Variants in MYRFL observed in about 807,000 individuals in gnomAD.
MYRFL encodes myelin regulatory factor-like protein.
MYRFL carries 88 observed loss-of-function variants against 109.4 expected under a neutral mutation model. The ratio of observed to expected loss-of-function variants is 0.80; its 90% CI spans 0.68 to 0.96. MYRFL has a LOEUF of 0.96. Ranked by LOEUF, MYRFL falls within the 40% of genes least tolerant of loss-of-function variation. The probability of loss-of-function intolerance (pLI) is 0.00; values close to 1 mark genes in which losing one functional copy is unlikely to be tolerated. For missense variants in MYRFL, 957 were observed against 954.9 expected (o/e 1.00, Z -0.03); for synonymous variants, 324 against 320.9 (o/e 1.01, Z -0.10).
rs1202881091 is a variant in MYRFL at position 69,910,884 on chromosome 12, C to A, written c.1556C>A (p.Thr519Asn). The A allele has an allele frequency of 3.9e-6, 6 of 1,535,242 alleles. No individual in the cohort carries two copies. The Admixed American group carries it at 9.8e-5, about 25-fold the overall frequency. Residue 519 changes from threonine (T) to asparagine (N), a missense_variant, in exon 13 of 25, where the codon ACC (threonine) becomes AAC (asparagine). Coordinates refer to ENST00000552032, the MANE Select transcript of MYRFL (RefSeq NM_182530.3). ...GCAGTAAGAGAGGTTGGTGATGTCA[C>A]CTGCGGAAACGGAGAGACCTTGGAG... ...PRAVREVGDV[T>N]CGNGETLENF...
chr12:69,857,804 G>T (rs1338223062), intron 2 of MYRFL, among the ~76,000 whole-genome samples: 4 of 151,622 alleles, frequency 2.6e-5, no homozygotes, highest in African/African-American at 9.7e-5. Context: ...CATGTCATCT[G>T]CAAATTGAGA....
chr12:69,859,996 A>G (rs1884540756), intron 2 of MYRFL, among the ~76,000 whole-genome samples: 2 of 152,110 alleles, frequency 1.3e-5, no homozygotes, highest in Admixed American at 1.3e-4. Flanking sequence ...CTTGTTACAT[A>G]GATAAACGTG....
intron 19 of MYRFL, among the ~76,000 whole-genome samples, chr12:69,949,653 ATTT>A (rs35862776): frequency 1.4e-5 from 2 of 146,232 alleles, no homozygotes. Flanking sequence ...TTTTTTTGTA[ATTT>A]TTTTTTTTTT....
At chr12:69,851,018 T>C (rs1387990702) in intron 1 of MYRFL, among the ~76,000 whole-genome samples, 1 of 152,206 alleles carries the variant, frequency 6.6e-6, no homozygotes, top group Non-Finnish European at 1.5e-5. Flanking sequence ...GTAAAATTTA[T>C]TACAATGGCT....
chr12:69,903,022 C>A (rs962657331), intron 10 of MYRFL, among the ~76,000 whole-genome samples: 1 of 152,146 alleles, frequency 6.6e-6, no homozygotes, highest in Admixed American at 6.5e-5. Flanking sequence ...AAAATGAGGA[C>A]AATAGTACGT....
chr12:69,906,866 A>G (rs1315180230), intron 11 of MYRFL, among the ~76,000 whole-genome samples: 3 of 152,230 alleles, frequency 2.0e-5, no homozygotes, highest in Non-Finnish European at 4.4e-5. Context: ...CTGTGATGCA[A>G]TTCTTGAGCT....
chr12:69,835,810 G>C (rs1882901782), intron 1 of MYRFL, among the ~76,000 whole-genome samples: 2 of 152,226 alleles, frequency 1.3e-5, no homozygotes, highest in South Asian at 4.1e-4. Context: ...CTCTAGGAGA[G>C]CATACAGACG....
chr12:69,878,419 G>A (rs1472074399), intron 2 of MYRFL, among the ~76,000 whole-genome samples: 4 of 152,038 alleles, frequency 2.6e-5, no homozygotes, highest in African/African-American at 4.8e-5. Flanking sequence ...TTTACATTTC[G>A]TTAGCTCAAA....
chr12:69,839,525 G>A (rs1029994322), intron 1 of MYRFL, among the ~76,000 whole-genome samples: 2 of 152,042 alleles, frequency 1.3e-5, no homozygotes, highest in East Asian at 3.9e-4. Context: ...TCTGCAAAAA[G>A]CAAAGTTGTT....
chr12:69,952,951 A>G, intron 21 of MYRFL, 65 bp downstream of exon 21: 1 of 1,069,846 alleles, frequency 9.3e-7, no homozygotes, highest in Admixed American at 2.3e-5. Context: ...TGGGTTTTTA[A>G]GACTGCAGTG....
chr12:69,952,030 C>T, intron 19 of MYRFL, 83 bp from the exon 20 acceptor site: 1 of 1,152,612 alleles, frequency 8.7e-7, no homozygotes, highest in East Asian at 2.6e-5. Context: ...ACTCAACTCA[C>T]AGAGATGAAC....
chr12:69,884,539 G>A (rs1332084207), intron 5 of MYRFL, among the ~76,000 whole-genome samples: 2 of 152,212 alleles, frequency 1.3e-5, no homozygotes, highest in Non-Finnish European at 2.9e-5. Flanking sequence ...GAGAAGTGGA[G>A]CTGGCTTTTG....
intron 19 of MYRFL, among the ~76,000 whole-genome samples, chr12:69,949,639 A>ATT (rs35789649): frequency 4.8e-5 from 7 of 144,412 alleles, no homozygotes; most frequent in Non-Finnish European, 9.0e-5. Context: ...ACATTATGAG[A>ATT]TTTTTTTTTT....
chr12:69,938,664 A>T (rs578205297), intron 19 of MYRFL, among the ~76,000 whole-genome samples: 2 of 152,198 alleles, frequency 1.3e-5, no homozygotes, highest in African/African-American at 2.4e-5. Flanking sequence ...GTAAAAAAAA[A>T]TTTTAAATAA....
chr12:69,856,896 G>C (rs1407521489), intron 2 of MYRFL, among the ~76,000 whole-genome samples: 1 of 151,624 alleles, frequency 6.6e-6, no homozygotes, highest in Non-Finnish European at 1.5e-5. Flanking sequence ...TTTTAATTTT[G>C]ATGATGTCCA....
At chr12:69,953,764 G>GACACACACACACACACAC (rs143170206) in intron 21 of MYRFL, among the ~76,000 whole-genome samples, 15 of 144,282 alleles carry the variant, frequency 1.0e-4, no homozygotes, top group South Asian at 6.9e-4. Flanking sequence ...GTGCAACCCG[G>GACACACACACACACACAC]ACACACACAC....
chr12:69,932,541 G>C lies in MYRFL; in HGVS notation c.1859G>C (p.Cys620Ser). The C allele has an allele frequency of 6.5e-7, 1 of 1,536,060 alleles. No homozygotes were observed. Among genetic ancestry groups the C allele is most frequent in the Middle Eastern group, 1.7e-4 (1 of 5,988 alleles). ...KVYFSGKRQA[C>S]PNWVFQTLVI... ...TATTTTTCAGGAAAAAGACAGGCGT[G>C]TCCTAATTGGGTTTTCCAGACCTTG... Residue 620 changes from cysteine to serine, a missense_variant, in exon 16 of 25, where the codon TGT becomes TCT. By Grantham distance (112) the Cys-to-Ser change is moderately radical (BLOSUM62 -1). Coordinates refer to ENST00000552032, the MANE Select transcript of MYRFL (RefSeq NM_182530.3).
chr12:69,846,288 A>T (rs1369766365), intron 1 of MYRFL, among the ~76,000 whole-genome samples: 2 of 151,232 alleles, frequency 1.3e-5, no homozygotes, highest in Non-Finnish European at 2.9e-5. Context: ...TGCTGCACCC[A>T]TTAACTCGTC....
intron 2 of MYRFL, among the ~76,000 whole-genome samples, chr12:69,870,733 A>G (rs930636175): frequency 6.6e-6 from 1 of 152,198 alleles, no homozygotes; most frequent in Non-Finnish European, 1.5e-5. Flanking sequence ...ATAAAATACA[A>G]TGAAATAAAG....
Sources: allele counts gnomAD v4.1 joint callset (sites outside exome capture counted in the v4.1 genomes callset), GRCh38; gene constraint gnomAD v4.1.1; transcripts MANE v1.5; gene names NCBI Gene and HGNC (gene_info 2026-07-23, HGNC 2026-07-21).